Variants in NTM observed in about 807,000 individuals in gnomAD.
NTM encodes neurotrimin.
A neutral mutation model predicts 42.1 loss-of-function variants in NTM; 13 were observed. The observed-to-expected ratio is 0.31, with a 90% confidence interval of 0.20 to 0.49. NTM has a LOEUF of 0.49. Ranked by LOEUF, NTM falls within the 20% of genes least tolerant of loss-of-function variation. The pLI, the probability that NTM is intolerant of heterozygous loss-of-function variation, is 0.99. For synonymous variants in NTM, 187 were observed against 179.2 expected (o/e 1.04, Z -0.35); for missense variants, 373 against 452.8 (o/e 0.82, Z 1.60).
At chr11:132,014,544 C>T (rs1406216220) in intron 2 of NTM, among the ~76,000 whole-genome samples, 1 of 151,534 alleles carries the variant, frequency 6.6e-6, no homozygotes, top group Non-Finnish European at 1.5e-5. Context: ...CTGCTTTCTG[C>T]ATTATTTTTT....
At chr11:131,407,085 G>T (rs891506459) in intron 1 of NTM, among the ~76,000 whole-genome samples, 1 of 152,152 alleles carries the variant, frequency 6.6e-6, no homozygotes, top group Non-Finnish European at 1.5e-5. Flanking sequence ...CTAGCCACAG[G>T]CACTGGCTTA....
intron 1 of NTM, among the ~76,000 whole-genome samples, chr11:131,655,757 A>G (rs533973605): frequency 4.7e-4 from 71 of 152,372 alleles, no homozygotes; most frequent in Non-Finnish European, 8.7e-4. Context: ...ACTGGAATGA[A>G]AAGAAACATC....
chr11:131,523,527 T>G (rs2512654), intron 1 of NTM, among the ~76,000 whole-genome samples: 70,103 of 151,958 alleles, frequency 0.46, 17,494 homozygotes, highest in African/African-American at 0.66. Flanking sequence ...AGTGGCTGAT[T>G]CCTGTAATCC....
chr11:131,741,336 C>T (rs368460394), intron 1 of NTM, among the ~76,000 whole-genome samples: 6 of 152,152 alleles, frequency 3.9e-5, no homozygotes, highest in African/African-American at 1.2e-4. Flanking sequence ...GAGTTCTGTA[C>T]CACTTGTGGG....
At chr11:131,589,169 G>GTT (rs35954042) in intron 1 of NTM, among the ~76,000 whole-genome samples, 7,633 of 141,142 alleles carry the variant, frequency 0.054, 215 homozygotes, top group Admixed American at 0.089. Context: ...CTGGAAAAAT[G>GTT]TGTGTGTGTG....
At chr11:131,532,661 C>T (rs922779690) in intron 1 of NTM, among the ~76,000 whole-genome samples, 1 of 152,366 alleles carries the variant, frequency 6.6e-6, no homozygotes, top group Non-Finnish European at 1.5e-5. Context: ...TCCACAGCAA[C>T]TGCACCATTG....
At chr11:132,234,753 T>C (rs1288095504) in intron 4 of NTM, among the ~76,000 whole-genome samples, 1 of 152,250 alleles carries the variant, frequency 6.6e-6, no homozygotes, top group Admixed American at 6.5e-5. Flanking sequence ...CTTTCAAAAG[T>C]GAATCTCAAT....
rs1340285287 is a variant in NTM, at chr11:132,335,258, G to C, written c.*112G>C. 15 of 1,153,382 alleles carry C rather than the reference G, an allele frequency of 1.3e-5. No individual in the cohort carries two copies. The highest frequency in any genetic ancestry group is 1.8e-5 in the Non-Finnish European group (15 of 832,372). 71.4% of individuals were successfully genotyped at this position (1,153,382 alleles called of 1,614,324 possible). ...CAGATATATACAAATGAAATTAGAA[G>C]AAACACAGCCTCATGGGACAGAAAT... On this transcript the variant is annotated 3_prime_UTR_variant, in exon 9 of 9. Coordinates refer to ENST00000683400, the MANE Select transcript of NTM (RefSeq NM_001352005.2).
chr11:131,480,034 C>A (rs1226415436), intron 1 of NTM, among the ~76,000 whole-genome samples: 1 of 151,310 alleles, frequency 6.6e-6, no homozygotes, highest in South Asian at 2.1e-4. Flanking sequence ...CTGATCCTAG[C>A]TTTATTTAAA....
chr11:131,562,358 A>T (rs2056344657), intron 1 of NTM, among the ~76,000 whole-genome samples: 1 of 152,210 alleles, frequency 6.6e-6, no homozygotes, highest in South Asian at 2.1e-4. Flanking sequence ...CAAATTCATT[A>T]TGTGAAGTAT....
Position 131,911,478 on chromosome 11 carries a change from G to A in NTM, c.83-86G>A, listed in dbSNP as rs757814588. ...GGAGTTCGGGGAAGTTGTGGCTGTC[G>A]AGAATGGGGGTCTGTGGGTACCTGT... On this transcript the variant is annotated intron_variant, in intron 1 of 8. Transcript: ENST00000683400. The A allele has an allele frequency of 6.2e-6, 10 of 1,614,094 alleles. No individual in the cohort carries two copies. In the Admixed American group the frequency reaches 1.3e-4, roughly 22 times the overall value.
At chr11:131,405,088 G>T (rs781061952) in intron 1 of NTM, among the ~76,000 whole-genome samples, 4 of 152,142 alleles carry the variant, frequency 2.6e-5, no homozygotes, top group Admixed American at 6.5e-5. Context: ...CACATGAAAG[G>T]TTGTCTGTTA....
intron 1 of NTM, among the ~76,000 whole-genome samples, chr11:131,625,518 G>C (rs757973775): frequency 5.9e-5 from 9 of 152,072 alleles, no homozygotes; most frequent in Non-Finnish European, 1.3e-4. Flanking sequence ...GACACAGAGA[G>C]AGACTGAAAA....
At chr11:131,910,862 G>T (rs1445399921) in intron 1 of NTM, 37 of 985,096 alleles carry the variant, frequency 3.8e-5, no homozygotes, top group Middle Eastern at 5.2e-4. Context: ...TGACCGAGGC[G>T]GCTGCCGCAG....
chr11:131,833,809 A>G (rs900417664), intron 1 of NTM, among the ~76,000 whole-genome samples: 3 of 152,176 alleles, frequency 2.0e-5, no homozygotes, highest in African/African-American at 4.8e-5. Context: ...CATAAATTCT[A>G]TTATGCAAGA....
intron 1 of NTM, among the ~76,000 whole-genome samples, chr11:131,882,876 G>T (rs2049769565): frequency 6.6e-6 from 1 of 151,144 alleles, no homozygotes; most frequent in Non-Finnish European, 1.5e-5. Flanking sequence ...CTACTTCACT[G>T]TTTTTTTTTC....
chr11:132,096,276 C>T (rs1489883199), intron 2 of NTM, among the ~76,000 whole-genome samples: 7 of 152,098 alleles, frequency 4.6e-5, no homozygotes, highest in South Asian at 2.1e-4. Flanking sequence ...TGTAATTGGC[C>T]GGGCATTGGT....
intron 2 of NTM, among the ~76,000 whole-genome samples, chr11:131,948,479 C>T (rs996206452): frequency 3.3e-5 from 5 of 152,220 alleles, no homozygotes; most frequent in Admixed American, 1.3e-4. Flanking sequence ...TTTACTGAAT[C>T]GGTGGTGCTC....
chr11:131,688,154 C>T (rs1177254619), intron 1 of NTM, among the ~76,000 whole-genome samples: 2 of 152,180 alleles, frequency 1.3e-5, no homozygotes, highest in African/African-American at 2.4e-5. Context: ...CTGCAGCTCC[C>T]CAGAACGGCC....
Sources: gnomAD v4.1 joint callset for allele counts (sites outside exome capture counted in the v4.1 genomes callset) on GRCh38, gnomAD v4.1.1 for gene constraint, MANE v1.5 for transcripts, NCBI Gene and HGNC (gene_info 2026-07-23, HGNC 2026-07-21) for gene names.